The following LMBRD1 variants were observed in gnomAD, a reference collection of about 807,000 sequenced individuals.
LMBRD1 encodes the protein LMBR1 domain containing 1, also known as lysosomal cobalamin transport escort protein LMBD1.
LMBRD1 carries 64 observed loss-of-function variants against 74.8 expected under a neutral mutation model. The ratio of observed to expected loss-of-function variants is 0.86; its 90% confidence interval spans 0.70 to 1.05. The LOEUF (loss-of-function observed/expected upper bound fraction) is 1.05, where lower values mean the gene tolerates loss of function less well. LMBRD1 is among the 50% of genes least tolerant of loss of function. The probability of loss-of-function intolerance (pLI) is 0.00; values close to 1 mark genes in which losing one functional copy is unlikely to be tolerated. For missense variants in LMBRD1, 652 were observed against 645.9 expected (o/e 1.01, Z -0.10); for synonymous variants, 204 against 216.3 (o/e 0.94, Z 0.50).
intron 11 of LMBRD1, 152 bp downstream of exon 11, chr6:69,701,291 G>A: frequency 1.8e-6 from 1 of 566,470 alleles, no homozygotes; most frequent in Non-Finnish European, 3.1e-6. Flanking sequence ...CAAATAAAAA[G>A]TAAAACTAGA....
At chr6:69,681,820 C>CAT (rs1328668652) in intron 14 of LMBRD1, among the ~76,000 whole-genome samples, 1 of 151,872 alleles carries the variant, frequency 6.6e-6, no homozygotes, top group East Asian at 1.9e-4. Context: ...TTATAATGAA[C>CAT]ATATATATCT....
intron 9 of LMBRD1, among the ~76,000 whole-genome samples, chr6:69,707,241 A>T (rs973649120): frequency 2.0e-5 from 3 of 152,026 alleles, no homozygotes; most frequent in African/African-American, 7.3e-5. Context: ...ACCCTTTATC[A>T]CTTCTCTCTG....
chr6:69,743,626 A>G (rs933981962), intron 5 of LMBRD1, among the ~76,000 whole-genome samples: 17 of 152,268 alleles, frequency 1.1e-4, no homozygotes, highest in African/African-American at 3.9e-4. Flanking sequence ...TATTTTAGGT[A>G]TAAACGAAAG....
intron 14 of LMBRD1, among the ~76,000 whole-genome samples, chr6:69,695,141 G>A (rs994817135): frequency 1.9e-4 from 29 of 151,528 alleles, no homozygotes; most frequent in South Asian, 2.1e-4. Flanking sequence ...ACCATATTGC[G>A]CAGAATTGGA....
rs778907355 is a variant in LMBRD1, at chr6:69,701,427, T to C, written c.1083+16A>G. 2.9e-6 allele frequency: 4 copies of C among 1,382,816 alleles called. No homozygotes were observed. The highest frequency in any genetic ancestry group is 1.4e-5 in the African/African-American group (1 of 70,182). 85.7% of individuals were successfully genotyped at this position (1,382,816 alleles called of 1,614,324 possible). A position where few individuals can be genotyped will look rare whatever the true frequency, so the allele number is the denominator to read the frequency against. The stretch of plus-strand genomic sequence containing the variant: ...CTCTAGCAGCTACAGTATAAAATGA[T>C]TGATATTTTACTTACTGTTTGTAGT... On this transcript the variant is annotated intron_variant, in intron 11 of 15. Transcript: ENST00000649934.
intron 7 of LMBRD1, among the ~76,000 whole-genome samples, chr6:69,728,920 G>A (rs12199627): frequency 6.6e-6 from 1 of 152,090 alleles, no homozygotes; most frequent in South Asian, 2.1e-4. Context: ...ACTTTAACCA[G>A]AGCAATTCTA....
At chr6:69,752,674 G>A (rs1765185030) in intron 3 of LMBRD1, among the ~76,000 whole-genome samples, 1 of 152,170 alleles carries the variant, frequency 6.6e-6, no homozygotes, top group Admixed American at 6.5e-5. Flanking sequence ...CTACAATGCT[G>A]AGAACGTCCT....
intron 7 of LMBRD1, among the ~76,000 whole-genome samples, chr6:69,734,991 C>A (rs1766942690): frequency 6.6e-6 from 1 of 152,112 alleles, no homozygotes. Flanking sequence ...CCACACAGTT[C>A]AAAAACAAAA....
intron 3 of LMBRD1, among the ~76,000 whole-genome samples, chr6:69,773,152 T>C (rs1385797395): frequency 6.6e-6 from 1 of 152,094 alleles, no homozygotes; most frequent in African/African-American, 2.4e-5. Context: ...TTTTGGGAGG[T>C]AGGGCCTAAT....
intron 3 of LMBRD1, among the ~76,000 whole-genome samples, chr6:69,756,799 T>C (rs939167190): frequency 1.3e-5 from 2 of 152,144 alleles, no homozygotes; most frequent in East Asian, 3.8e-4. Context: ...AAGCAAGAAT[T>C]CTCCAAAAAT....
intron 10 of LMBRD1, 92 bp from the exon 11 acceptor site, chr6:69,701,637 T>C (rs1232440628): frequency 1.3e-6 from 1 of 775,430 alleles, no homozygotes; most frequent in African/African-American, 1.8e-5. Flanking sequence ...CAAATACACC[T>C]GAGTCAAAGA....
intron 3 of LMBRD1, among the ~76,000 whole-genome samples, chr6:69,770,924 T>C (rs764599351): frequency 3.9e-5 from 6 of 152,148 alleles, no homozygotes; most frequent in African/African-American, 1.4e-4. Context: ...GGAGTTAAAT[T>C]AGTCAAGTAA....
chr6:69,708,806 C>T (rs903983905), intron 9 of LMBRD1, among the ~76,000 whole-genome samples: 3 of 152,066 alleles, frequency 2.0e-5, no homozygotes, highest in African/African-American at 7.2e-5. Flanking sequence ...AACATAACTT[C>T]TAAGAAATTT....
intron 7 of LMBRD1, among the ~76,000 whole-genome samples, chr6:69,721,279 T>C (rs1204240159): frequency 6.6e-6 from 1 of 152,142 alleles, no homozygotes; most frequent in Non-Finnish European, 1.5e-5. Flanking sequence ...CTTGCACCAT[T>C]CCTCTCCCAA....
At chr6:69,708,576 A>G (rs1176774461) in intron 9 of LMBRD1, among the ~76,000 whole-genome samples, 1 of 152,102 alleles carries the variant, frequency 6.6e-6, no homozygotes, top group Non-Finnish European at 1.5e-5. Flanking sequence ...CACAAAGCCT[A>G]TGCTTCTGAA....
intron 7 of LMBRD1, among the ~76,000 whole-genome samples, chr6:69,723,892 G>GA (rs774324818): frequency 9.3e-5 from 14 of 151,178 alleles, no homozygotes; most frequent in South Asian, 2.1e-4. Flanking sequence ...TTTTTAAAAA[G>GA]AAAAAATTGA....
chr6:69,680,661 T>C (rs1274077427), intron 14 of LMBRD1, among the ~76,000 whole-genome samples: 5 of 152,126 alleles, frequency 3.3e-5, no homozygotes, highest in Admixed American at 6.6e-5. Context: ...TGCGTTGTTG[T>C]TGAAAAATGA....
In LMBRD1 at chr6:69,736,100, T is replaced by C. The variant is rs56666938; in HGVS notation, c.636+1842A>G. Among the ~76,000 whole-genome samples, 1,052 of 152,224 alleles carry C rather than the reference T, an allele frequency of 6.9e-3. 15 individuals carry two copies. The highest frequency in any genetic ancestry group is 0.021 in the African/African-American group (880 of 41,532). ...TGTCTATCTACTTATGCTGCCTTAT[T>C]TTTCCTCATAGTATCTACCAATTGA... On this transcript the variant is annotated intron_variant, in intron 7 of 15. Transcript: ENST00000649934.
At chr6:69,765,763 ATTGT>A (rs1765463751) in intron 3 of LMBRD1, among the ~76,000 whole-genome samples, 1 of 152,088 alleles carries the variant, frequency 6.6e-6, no homozygotes, top group Non-Finnish European at 1.5e-5. Context: ...ATAATATGGA[ATTGT>A]TTATTTAAAT....
Sources: allele counts gnomAD v4.1 joint callset (sites outside exome capture counted in the v4.1 genomes callset), GRCh38; gene constraint gnomAD v4.1.1; transcripts MANE v1.5; gene names NCBI Gene and HGNC (gene_info 2026-07-23, HGNC 2026-07-21).